CYP19A1: variants seen among roughly 807,000 people sequenced by gnomAD.
CYP19A1 encodes aromatase.
Under a neutral mutation model 44.4 loss-of-function variants are expected in CYP19A1, and 32 were observed. The observed-to-expected ratio is 0.72, with a 90% CI of 0.54 to 0.97. The LOEUF is 0.97. Ranked by LOEUF, CYP19A1 falls within the 50% of genes least tolerant of loss-of-function variation. The pLI is 0.00. For synonymous variants in CYP19A1, 212 were observed against 215.6 expected, an observed-to-expected ratio of 0.98 and a Z score of 0.14; for missense variants, 598 against 637.8, an observed-to-expected ratio of 0.94 and a Z score of 0.67.
chr15:51,300,466 T>G (rs927322897), intron 1 of CYP19A1, among the ~76,000 whole-genome samples: 1 of 152,130 alleles, frequency 6.6e-6, no homozygotes, highest in African/African-American at 2.4e-5. Context: ...TGATTGGGTG[T>G]GATAGAGGTT....
At chr15:51,237,383 A>G (rs948947192) in intron 2 of CYP19A1, among the ~76,000 whole-genome samples, 5 of 152,200 alleles carry the variant, frequency 3.3e-5, no homozygotes, top group Non-Finnish European at 7.3e-5. Context: ...AACACTGATG[A>G]GTGACAATCT....
In CYP19A1 at chr15:51,212,459, C is replaced by A. The variant is rs762631156; in HGVS notation, c.1124G>T (p.Arg375Leu). 3.1e-6 allele frequency: 5 copies of A among 1,609,432 alleles called. No individual in the cohort carries two copies. The highest frequency in any genetic ancestry group is 2.7e-5 in the African/African-American group (2 of 74,804). ...RYQPVVDLVMRKALEDDVIDG... is the reference protein window; with the variant it reads ...RYQPVVDLVMLKALEDDVIDG... Reference sequence around the variant, plus strand: ...GATTACATCATCTTCTAAGGCTTTGCGCATGACCAAGTCCACGACAGGCTG... The same window carrying A: ...GATTACATCATCTTCTAAGGCTTTGAGCATGACCAAGTCCACGACAGGCTG... The change falls in exon 9 of 10, where the codon CGC becomes CTC. Residue 375 changes from arginine to leucine, a missense_variant. By Grantham distance (102) the Arg-to-Leu change is moderately radical. Coordinates refer to ENST00000396402, the MANE Select transcript of CYP19A1 (RefSeq NM_000103.4).
At chr15:51,299,405 G>A (rs1230454315) in intron 1 of CYP19A1, among the ~76,000 whole-genome samples, 1 of 152,150 alleles carries the variant, frequency 6.6e-6, no homozygotes, top group East Asian at 1.9e-4. Context: ...TGCTACCCAG[G>A]ATCATCCAAT....
intron 1 of CYP19A1, among the ~76,000 whole-genome samples, chr15:51,244,566 G>A (rs1294908559): frequency 2.0e-5 from 3 of 152,110 alleles, no homozygotes; most frequent in Non-Finnish European, 4.4e-5. Context: ...ACAGGGTGAG[G>A]TTTTAAATTT....
chr15:51,245,448 G>A (rs1044937010), intron 1 of CYP19A1, among the ~76,000 whole-genome samples: 4 of 152,244 alleles, frequency 2.6e-5, no homozygotes, highest in Non-Finnish European at 5.9e-5. Flanking sequence ...CCACTAACTC[G>A]TCATCTGCAT....
intron 2 of CYP19A1, among the ~76,000 whole-genome samples, chr15:51,242,476 T>C (rs781626724): frequency 2.6e-5 from 4 of 152,124 alleles, no homozygotes; most frequent in Non-Finnish European, 4.4e-5. Flanking sequence ...TTTACTTTAC[T>C]CCACCCCATC....
intron 1 of CYP19A1, among the ~76,000 whole-genome samples, chr15:51,297,171 G>C (rs1404636134): frequency 6.6e-6 from 1 of 152,188 alleles, no homozygotes; most frequent in African/African-American, 2.4e-5. Flanking sequence ...AAGAACTTGA[G>C]AATTTATCTT....
intron 1 of CYP19A1, among the ~76,000 whole-genome samples, chr15:51,322,169 C>T (rs2036539419): frequency 6.6e-6 from 1 of 152,182 alleles, no homozygotes; most frequent in Non-Finnish European, 1.5e-5. Context: ...GAGTGAAAAC[C>T]TGCGAGCCCC....
chr15:51,312,703 C>T (rs932485611), intron 1 of CYP19A1: 1 of 152,294 alleles, frequency 6.6e-6, no homozygotes, highest in African/African-American at 2.4e-5. Flanking sequence ...TGAGAGCTGG[C>T]TCCAAACCCT....
At chr15:51,338,372 T>C (rs1324082844) in intron 1 of CYP19A1, 123 bp downstream of exon 1, 1 of 152,100 alleles carries the variant, frequency 6.6e-6, no homozygotes, top group Non-Finnish European at 1.5e-5. Context: ...TAGGGGATTT[T>C]CCCCCACACA....
intron 1 of CYP19A1, among the ~76,000 whole-genome samples, chr15:51,292,263 A>G (rs1566914543): frequency 6.6e-6 from 1 of 152,196 alleles, no homozygotes; most frequent in African/African-American, 2.4e-5. Flanking sequence ...TTGGCCCTGA[A>G]CAGACTACAC....
chr15:51,307,680 G>T (rs28757101), intron 1 of CYP19A1, among the ~76,000 whole-genome samples: 1 of 152,142 alleles, frequency 6.6e-6, no homozygotes, highest in Non-Finnish European at 1.5e-5. Flanking sequence ...CAGCTAAGCT[G>T]TCAACTTCTG....
intron 1 of CYP19A1, among the ~76,000 whole-genome samples, chr15:51,317,939 A>T (rs2036457861): frequency 1.3e-5 from 2 of 152,118 alleles, no homozygotes; most frequent in South Asian, 4.2e-4. Flanking sequence ...GAGTATAAAG[A>T]TTTCACACTT....
rs553934072 is a variant in CYP19A1, at chr15:51,261,825, T to C, written c.-38-18875A>G. On this transcript the variant is annotated intron_variant, in intron 1 of 9. Coordinates refer to ENST00000396402, the MANE Select transcript of CYP19A1 (RefSeq NM_000103.4). ...AGAATAGCATGCAAGTGAGGGCCCA[T>C]TGGAGAGGCCGATGGGTGAAGCAGT... 9.2e-5 allele frequency among the ~76,000 whole-genome samples: 14 copies of C among 152,258 alleles called. No individual in the cohort carries two copies. In the South Asian group the frequency reaches 2.3e-3, roughly 25 times the overall value.
intron 1 of CYP19A1, among the ~76,000 whole-genome samples, chr15:51,290,107 T>C (rs2035808486): frequency 6.6e-6 from 1 of 152,246 alleles, no homozygotes; most frequent in Middle Eastern, 3.2e-3. Flanking sequence ...TTAGAGTTTC[T>C]ATTTAAGATT....
Position 51,227,771 on chromosome 15 carries a change from C to A in CYP19A1, c.451+8G>T. On this transcript the variant is annotated splice_region_variant and intron_variant, in intron 4 of 9. Transcript: ENST00000396402. The stretch of plus-strand genomic sequence containing the variant: ...AAAAAGATTGTAGCTAACTAAGTAC[C>A]TGCTTACCTTTCATAAAGAAGGGTC... 7.3e-7 allele frequency: 1 copy of A among 1,364,650 alleles called. No individual in the cohort carries two copies. The highest frequency in any genetic ancestry group is 1.0e-6 in the Non-Finnish European group (1 of 952,980). The allele number at this position is 1,364,650 out of a possible 1,614,324, so 84.5% of individuals were successfully genotyped here. A position where few individuals can be genotyped will look rare whatever the true frequency, so the allele number is the denominator to read the frequency against.
intron 1 of CYP19A1, among the ~76,000 whole-genome samples, chr15:51,301,230 C>T (rs567115036): frequency 4.2e-4 from 64 of 152,352 alleles, no homozygotes; most frequent in African/African-American, 1.3e-3. Context: ...GTTTCTCATA[C>T]TGGACTTGGC....
chr15:51,252,874 GT>G (rs2034375449), intron 1 of CYP19A1, among the ~76,000 whole-genome samples: 1 of 152,190 alleles, frequency 6.6e-6, no homozygotes, highest in Non-Finnish European at 1.5e-5. Flanking sequence ...TTGCACAAGT[GT>G]TCAGAGGCAT....
chr15:51,243,021 A>G (rs1297965048), intron 1 of CYP19A1, 71 bp from the exon 2 acceptor site: 1 of 809,852 alleles, frequency 1.2e-6, no homozygotes, highest in Non-Finnish European at 2.2e-6. Context: ...CTGTTGCTTC[A>G]GAGGGTGCTG....
Sources: gnomAD v4.1 joint callset for allele counts (sites outside exome capture counted in the v4.1 genomes callset) on GRCh38, gnomAD v4.1.1 for gene constraint, MANE v1.5 for transcripts, NCBI Gene and HGNC (gene_info 2026-07-23, HGNC 2026-07-21) for gene names.